PPEF1: variants seen among roughly 807,000 people sequenced by gnomAD.
PPEF1 encodes the protein protein phosphatase with EF-hand domain 1.
Under a neutral mutation model 53.3 loss-of-function variants are expected in PPEF1, and 12 were observed. The ratio of observed to expected loss-of-function variants is 0.23; its 90% confidence interval spans 0.14 to 0.36. The LOEUF is 0.36. Among genes scored for constraint, PPEF1 ranks in the 10% least tolerant of loss-of-function variants. PPEF1 has a pLI of 1.00. For missense variants in PPEF1, 334 were observed against 490.4 expected, an observed-to-expected ratio of 0.68 and a Z score of 3.01; for synonymous variants, 165 against 176.7, an observed-to-expected ratio of 0.93 and a Z score of 0.52.
intron 2 of PPEF1, among the ~76,000 whole-genome samples, chrX:18,732,561 T>G (rs1278330538): frequency 8.9e-6 from 1 of 112,119 alleles, no homozygotes; most frequent in African/African-American, 3.2e-5. Flanking sequence ...GGGTGTGAAG[T>G]GATGTCTGAT....
chrX:18,772,251 G>A (rs2045886781), intron 6 of PPEF1, among the ~76,000 whole-genome samples: 1 of 111,266 alleles, frequency 9.0e-6, no homozygotes, highest in Non-Finnish European at 1.9e-5. Flanking sequence ...AGTAGGCTGA[G>A]GAGGAGGAAG....
intron 6 of PPEF1, chrX:18,700,455 T>C (rs1184859668): frequency 9.2e-6 from 1 of 108,880 alleles, no homozygotes; most frequent in Admixed American, 1.0e-4. Context: ...TTGTTTATTC[T>C]TAGGCATTTG....
chrX:18,747,429 C>T (rs981783695), intron 3 of PPEF1, among the ~76,000 whole-genome samples: 4 of 112,123 alleles, frequency 3.6e-5, no homozygotes, highest in African/African-American at 1.3e-4. Flanking sequence ...TTCCTCTTTC[C>T]TTCCAGCATC....
At chrX:18,687,903 G>T (rs1242427596) in intron 3 of PPEF1, among the ~76,000 whole-genome samples, 1 of 110,364 alleles carries the variant, frequency 9.1e-6, no homozygotes, top group Non-Finnish European at 1.9e-5. Context: ...TGTCCAGGCT[G>T]GTCTCGAACT....
At chrX:18,766,145 G>A (rs1332391195) in intron 6 of PPEF1, among the ~76,000 whole-genome samples, 1 of 109,975 alleles carries the variant, frequency 9.1e-6, no homozygotes, top group South Asian at 4.0e-4. Context: ...TGTCTCAGAC[G>A]GGAGAATGAC....
At chrX:18,679,728 G>T (rs181753338), upstream of PPEF1, among the ~76,000 whole-genome samples, 15 of 110,952 alleles carry the variant, frequency 1.4e-4, no homozygotes, top group Admixed American at 9.7e-4. Context: ...CCCTTCAATG[G>T]CTCCCTACCT....
upstream of PPEF1, among the ~76,000 whole-genome samples, chrX:18,705,696 CAG>C (rs1212499088): frequency 2.7e-5 from 3 of 111,259 alleles, no homozygotes; most frequent in Non-Finnish European, 5.7e-5. Context: ...GCCTGGGTGA[CAG>C]AGCGAGACCT....
At chrX:18,812,796 TCTCA>T (rs2046834388) in intron 12 of PPEF1, among the ~76,000 whole-genome samples, 1 of 110,989 alleles carries the variant, frequency 9.0e-6, no homozygotes, top group Admixed American at 9.7e-5. Flanking sequence ...GGAGACAGGG[TCTCA>T]CTCAGTCACC....
At chrX:18,712,250 G>A (rs916484811) in intron 1 of PPEF1, among the ~76,000 whole-genome samples, 1 of 111,567 alleles carries the variant, frequency 9.0e-6, no homozygotes, top group African/African-American at 3.3e-5. Context: ...TCAATTTGGG[G>A]AGTATTGCTA....
At chrX:18,766,481 A>G (rs976576211) in intron 6 of PPEF1, among the ~76,000 whole-genome samples, 1 of 111,868 alleles carries the variant, frequency 8.9e-6, no homozygotes, top group Non-Finnish European at 1.9e-5. Flanking sequence ...ACTTCAGCCT[A>G]CTTTACTTAC....
chrX:18,816,079 T>C (rs773675365), intron 12 of PPEF1, among the ~76,000 whole-genome samples: 1 of 110,450 alleles, frequency 9.1e-6, no homozygotes, highest in South Asian at 3.8e-4. Flanking sequence ...TTCCAATCTT[T>C]TAAAGTGGAA....
intron 5 of PPEF1, among the ~76,000 whole-genome samples, chrX:18,758,866 G>C (rs2045601990): frequency 9.0e-6 from 1 of 111,530 alleles, no homozygotes; most frequent in Non-Finnish European, 1.9e-5. Flanking sequence ...CTTGCTAAAA[G>C]GATCTGGAAG....
At chrX:18,814,343 T>C (rs1177265607) in intron 12 of PPEF1, among the ~76,000 whole-genome samples, 1 of 111,748 alleles carries the variant, frequency 8.9e-6, no homozygotes, top group Admixed American at 9.6e-5. Flanking sequence ...TTATTTTCCT[T>C]TGGGTATATA....
chrX:18,821,080 A>G (rs964948753), intron 13 of PPEF1, among the ~76,000 whole-genome samples: 16 of 108,206 alleles, frequency 1.5e-4, no homozygotes, highest in Admixed American at 4.0e-4. Flanking sequence ...AAAATTAGCC[A>G]GGCGTGGTGG....
intron 12 of PPEF1, among the ~76,000 whole-genome samples, chrX:18,811,615 AT>A (rs772854787): frequency 0.023 from 185 of 8,208 alleles, no homozygotes; most frequent in Non-Finnish European, 0.045. Context: ...ATATATATAT[AT>A]TTTTTTTTTT....
chrX:18,743,440 CTTTTTCT>C (rs2045238052), intron 3 of PPEF1, among the ~76,000 whole-genome samples: 1 of 86,725 alleles, frequency 1.2e-5, no homozygotes, highest in African/African-American at 4.7e-5. Context: ...TCTTTTTTCT[CTTTTTCT>C]TTTTTTTTTT....
chrX:18,826,390 G>A (rs955456088), intron 15 of PPEF1, among the ~76,000 whole-genome samples: 2 of 98,392 alleles, frequency 2.0e-5, no homozygotes, highest in African/African-American at 7.5e-5. Context: ...GTTTTGGGGA[G>A]TAAGGGCTAT....
intron 3 of PPEF1, among the ~76,000 whole-genome samples, chrX:18,746,512 G>A (rs1264875447): frequency 9.0e-6 from 1 of 111,284 alleles, no homozygotes; most frequent in African/African-American, 3.3e-5. Flanking sequence ...GGTAGACCAA[G>A]CTTCTCTTTT....
chrX:18,732,033 T>C (rs1427008557), intron 2 of PPEF1, among the ~76,000 whole-genome samples: 1 of 112,478 alleles, frequency 8.9e-6, no homozygotes, highest in Non-Finnish European at 1.9e-5. Flanking sequence ...ACTACAGGCA[T>C]GTGCCACCAC....
Sources: allele counts gnomAD v4.1 joint callset (sites outside exome capture counted in the v4.1 genomes callset), GRCh38; gene constraint gnomAD v4.1.1; transcripts MANE v1.5; gene names NCBI Gene and HGNC (gene_info 2026-07-23, HGNC 2026-07-21).